GPR176: variants seen among roughly 807,000 people sequenced by gnomAD.
GPR176 encodes G protein-coupled receptor 176.
A neutral mutation model predicts 35.4 loss-of-function variants in GPR176; 26 were observed. The ratio of observed to expected loss-of-function variants is 0.74; its 90% CI spans 0.54 to 1.02. The LOEUF (loss-of-function observed/expected upper bound fraction) is 1.02. Ranked by LOEUF, GPR176 falls within the 50% of genes least tolerant of loss-of-function variation. The probability of loss-of-function intolerance (pLI) is 0.00; values close to 1 mark genes in which losing one functional copy is unlikely to be tolerated. For missense variants in GPR176, 597 were observed against 665.3 expected (o/e 0.90, Z 1.13); for synonymous variants, 278 against 271.3 (o/e 1.02, Z -0.24).
At chr15:39,916,442 A>T (rs1210902347) in intron 1 of GPR176, among the ~76,000 whole-genome samples, 1 of 152,234 alleles carries the variant, frequency 6.6e-6, no homozygotes, top group Non-Finnish European at 1.5e-5. Context: ...TTTTCAACAC[A>T]GCAAATAATG....
intron 1 of GPR176, among the ~76,000 whole-genome samples, chr15:39,816,064 A>G (rs1030720321): frequency 6.6e-6 from 1 of 152,250 alleles, no homozygotes; most frequent in Non-Finnish European, 1.5e-5. Context: ...CAAAGACCAC[A>G]TGATCACATT....
rs557812054 is a variant in GPR176 at position 39,801,228 on chromosome 15, T to C, written c.1452A>G (p.Glu484=). 1.2e-6 allele frequency: 2 copies of C among 1,614,162 alleles called. No homozygotes were observed. The highest frequency in any genetic ancestry group is 4.5e-5 in the East Asian group (2 of 44,880). ...TGGGCACCTTTGTCTGGATCAGCTC[T>C]TCTGGGGTGTTGCCCAAGGGGGGAA... is the stretch of plus-strand genomic sequence containing the variant. The part of the protein sequence containing the change: ...RLLPPLGNTP[E]ELIQTKVPKV... The change falls in exon 3 of 3, where the codon GAA becomes GAG. Residue 484 remains glutamate (E), a synonymous_variant. Transcript: ENST00000561100.
At chr15:39,811,045 C>T (rs1899513907) in intron 1 of GPR176, among the ~76,000 whole-genome samples, 1 of 152,122 alleles carries the variant, frequency 6.6e-6, no homozygotes, top group Admixed American at 6.6e-5. Flanking sequence ...TGCCAGGTAA[C>T]AACAGGAATG....
chr15:39,833,018 T>A (rs1022703704), intron 1 of GPR176, among the ~76,000 whole-genome samples: 2 of 152,168 alleles, frequency 1.3e-5, no homozygotes, highest in African/African-American at 4.8e-5. Context: ...CACACTTAAC[T>A]TCATGTCCAT....
chr15:39,900,187 C>A, intron 1 of GPR176, among the ~76,000 whole-genome samples: 1 of 149,146 alleles, frequency 6.7e-6, no homozygotes, highest in Non-Finnish European at 1.5e-5. Context: ...AGATAAAGTG[C>A]TAATCTTGGC....
intron 1 of GPR176, among the ~76,000 whole-genome samples, chr15:39,851,874 A>G (rs564154674): frequency 2.0e-5 from 3 of 152,308 alleles, no homozygotes; most frequent in African/African-American, 7.2e-5. Context: ...ACTAAAGACC[A>G]AGACCAAAAA....
intron 1 of GPR176, among the ~76,000 whole-genome samples, chr15:39,853,996 T>C (rs1257538125): frequency 6.6e-6 from 1 of 152,184 alleles, no homozygotes; most frequent in East Asian, 1.9e-4. Flanking sequence ...AACTTGTATT[T>C]GACACAGTAA....
At chr15:39,879,104 T>C (rs1266254306) in intron 1 of GPR176, among the ~76,000 whole-genome samples, 1 of 152,218 alleles carries the variant, frequency 6.6e-6, no homozygotes, top group African/African-American at 2.4e-5. Flanking sequence ...GGAAGAAAAC[T>C]AGAGAACAAA....
intron 1 of GPR176, among the ~76,000 whole-genome samples, chr15:39,836,905 T>A (rs1456128149): frequency 6.6e-6 from 1 of 152,164 alleles, no homozygotes; most frequent in Non-Finnish European, 1.5e-5. Flanking sequence ...CAGTGTTACA[T>A]TCAACTACAT....
Position 39,806,991 on chromosome 15 carries a change from G to T in GPR176, c.425+15C>A. The T allele has an allele frequency of 6.4e-7, 1 of 1,567,436 alleles. No homozygotes were observed. On this transcript the variant is annotated intron_variant, in intron 2 of 2. Coordinates refer to ENST00000561100, the MANE Select transcript of GPR176 (RefSeq NM_007223.3). ...ACTTAAAAAAAAAAGTTAGCTCCTG[G>T]CTACCTGATCTTACCTGTCCAAAGC...
At chr15:39,833,882 C>A (rs1901243399) in intron 1 of GPR176, among the ~76,000 whole-genome samples, 1 of 152,168 alleles carries the variant, frequency 6.6e-6, no homozygotes, top group Admixed American at 6.5e-5. Flanking sequence ...GCCCCAATTT[C>A]ATGCACTAGA....
chr15:39,908,550 C>CTTTTTTTTTTTT (rs199790696), intron 1 of GPR176, among the ~76,000 whole-genome samples: 1 of 144,070 alleles, frequency 6.9e-6, no homozygotes. Flanking sequence ...AGGAGATTTT[C>CTTTTTTTTTTTT]TTTTTTTTTT....
rs755555661 is a variant in GPR176 at position 39,851,584 on chromosome 15, TA to T, written c.173-44327del. 5.1e-4 allele frequency among the ~76,000 whole-genome samples: 78 copies of T among 152,280 alleles called. 1 individual carries two copies. Among genetic ancestry groups the T allele is most frequent in the Non-Finnish European group, 9.6e-4 (65 of 68,014 alleles). On this transcript the variant is annotated intron_variant, in intron 1 of 2. Coordinates refer to ENST00000561100, the MANE Select transcript of GPR176 (RefSeq NM_007223.3). ...AGACACATGATGAGGGTCTGGCGCTTAAATGAACACATCCAGAACTCAGTCT... is the reference window on the plus strand; with the variant it reads ...AGACACATGATGAGGGTCTGGCGCTTAATGAACACATCCAGAACTCAGTCT...
At chr15:39,853,662 G>T (rs185096202) in intron 1 of GPR176, among the ~76,000 whole-genome samples, 38 of 152,160 alleles carry the variant, frequency 2.5e-4, no homozygotes, top group African/African-American at 8.2e-4. Flanking sequence ...TGTCCCCCTG[G>T]GAACATTTGG....
intron 1 of GPR176, among the ~76,000 whole-genome samples, chr15:39,834,051 T>C (rs552569093): frequency 6.6e-6 from 1 of 152,346 alleles, no homozygotes; most frequent in African/African-American, 2.4e-5. Flanking sequence ...TTTCTATTAA[T>C]TCTCCGCAGA....
At chr15:39,882,071 T>A (rs1490703394) in intron 1 of GPR176, among the ~76,000 whole-genome samples, 4 of 152,172 alleles carry the variant, frequency 2.6e-5, no homozygotes, top group Admixed American at 2.6e-4. Context: ...TACAAAATAA[T>A]GCTTTCTGGA....
intron 1 of GPR176, among the ~76,000 whole-genome samples, chr15:39,872,911 CTGTGTGTGTGTGTGTGTGTGTGTG>C (rs6145533): frequency 0.026 from 3,688 of 141,228 alleles, 68 homozygotes; most frequent in East Asian, 0.079. Flanking sequence ...TCCAAAATAT[CTGTGTGTGTGTGTGTGTGTGTGTG>C]TGTGTGTGTG....
chr15:39,840,928 T>C (rs1261892495), intron 1 of GPR176, among the ~76,000 whole-genome samples: 4 of 152,146 alleles, frequency 2.6e-5, no homozygotes, highest in Non-Finnish European at 5.9e-5. Context: ...AGTTGCCCCC[T>C]GAGGAAACAG....
rs114357083 is a variant in GPR176, at chr15:39,823,282, T to C, written c.173-16024A>G. On this transcript the variant is annotated intron_variant, in intron 1 of 2. Transcript: ENST00000561100. ...ATATGCCCACTTGACTTCTTTACTT[T>C]GGACTCTCACAATCATCTTGGACTT... Among the ~76,000 whole-genome samples the C allele has an allele frequency of 8.8e-3, 1,340 of 152,310 alleles. 19 individuals carry two copies. Among genetic ancestry groups the C allele is most frequent in the African/African-American group, 0.031 (1,278 of 41,540 alleles).
Sources: allele counts gnomAD v4.1 joint callset (sites outside exome capture counted in the v4.1 genomes callset), GRCh38; gene constraint gnomAD v4.1.1; transcripts MANE v1.5; gene names NCBI Gene and HGNC (gene_info 2026-07-23, HGNC 2026-07-21).